Variants in MUC5AC observed in about 807,000 individuals in gnomAD.
MUC5AC encodes the protein mucin 5AC, oligomeric mucus/gel-forming.
MUC5AC carries 158 observed loss-of-function variants against 169.7 expected under a neutral mutation model. The ratio of observed to expected loss-of-function variants is 0.93; its 90% CI spans 0.82 to 1.06. The LOEUF is 1.06. Ranked by LOEUF, MUC5AC falls within the 50% of genes least tolerant of loss-of-function variation. MUC5AC has a pLI of 0.00. For synonymous variants in MUC5AC, 1,975 were observed against 1,237.0 expected (o/e 1.60, Z -12.52); for missense variants, 4,359 against 3,089.9 (o/e 1.41, Z -9.74).
chr11:1,200,003 T>C (rs759067549), intron 48 of MUC5AC, 34 bp downstream of exon 48: 2 of 724,692 alleles, frequency 2.8e-6, no homozygotes, highest in South Asian at 1.5e-5. Flanking sequence ...GGAGACGCGA[T>C]TGGCTGTGGG....
chr11:1,190,019 C>G lies in MUC5AC; in HGVS notation c.11874C>G (p.Thr3958=). Residue 3958 remains threonine, a synonymous_variant, in exon 31 of 49, where the codon ACC becomes ACG. Transcript: ENST00000621226. ...CCAGAGACTGTCATCCCCGGTGCAC[C>G]TGGACCAAGTGGTTTGACGTGGACT... ...PVTRDCHPRC[T]WTKWFDVDFP... 1 of 765,166 alleles carries G rather than the reference C, an allele frequency of 1.3e-6. No individual in the cohort carries two copies. 47.4% of individuals were successfully genotyped at this position (765,166 alleles called of 1,614,324 possible). A position where few individuals can be genotyped will look rare whatever the true frequency, so the allele number is the denominator to read the frequency against.
chr11:1,178,377 G>C, intron 24 of MUC5AC, 67 bp from the exon 25 acceptor site: 1 of 424,060 alleles, frequency 2.4e-6, no homozygotes, highest in Non-Finnish European at 4.1e-6. Context: ...AGGCGGCCTA[G>C]GGGCAGGGTG....
In MUC5AC at chr11:1,198,942, G is replaced by A. The variant is rs763606727; in HGVS notation, c.16242G>A (p.Ser5414=). The A allele has an allele frequency of 2.1e-5, 16 of 763,066 alleles. No individual in the cohort carries two copies. Among genetic ancestry groups the A allele is most frequent in the South Asian group, 5.4e-5 (4 of 74,186 alleles). The allele number at this position is 763,066 out of a possible 1,614,324, so 47.3% of individuals were successfully genotyped here. A position where few individuals can be genotyped will look rare whatever the true frequency, so the allele number is the denominator to read the frequency against. ...CRCELPGGPP[S]DAFVVSCETQ... ...GTGAGCTGCCGGGTGGCCCCCCATC[G>A]GACGCGTTTGTGGTCAGCTGTGAGA... The change falls in exon 44 of 49, where the codon TCG becomes TCA. Residue 5414 remains serine, a synonymous_variant. Transcript: ENST00000621226.
chr11:1,198,302 C>T lies in MUC5AC; in HGVS notation c.16170C>T (p.Tyr5390=). The T allele has an allele frequency of 1.3e-6, 1 of 752,636 alleles. No homozygotes were observed. Among genetic ancestry groups the T allele is most frequent in the Non-Finnish European group, 2.4e-6 (1 of 412,338 alleles). The allele number at this position is 752,636 out of a possible 1,614,324, so 46.6% of individuals were successfully genotyped here. ...TGTGCAGCATCAACGGGACCCTGTACCAGGTAAGAGCCACGGAGCTCAGAC... is the reference window on the plus strand; with the variant it reads ...TGTGCAGCATCAACGGGACCCTGTATCAGGTAAGAGCCACGGAGCTCAGAC... The part of the protein sequence containing the change: ...WTVCSINGTL[Y]QPGAVVSSSL... Residue 5390 remains tyrosine, a synonymous_variant, in exon 43 of 49, where the codon TAC becomes TAT. Transcript: ENST00000621226.
Position 1,167,980 on chromosome 11 carries a change from C to T in MUC5AC, c.1490C>T (p.Ala497Val), listed in dbSNP as rs28403537. 62,850 of 1,550,168 alleles carry T rather than the reference C, an allele frequency of 0.041. 1,506 individuals carry two copies. Among genetic ancestry groups the T allele is most frequent in the Middle Eastern group, 0.079 (472 of 5,990 alleles). Reference protein sequence around the residue: ...LKSVTLSLDGAQTVVVIKASG... With the variant: ...LKSVTLSLDGVQTVVVIKASG... ...AGCGTGACACTGAGCCTGGATGGGG[C>T]GCAGACGGTGAGTGGAGCCTGGCAG... is the stretch of plus-strand genomic sequence containing the variant. The change falls in exon 12 of 49, where the codon GCG becomes GTG. Residue 497 changes from alanine to valine, a missense_variant. Ala to Val is a moderately conservative substitution (Grantham distance 64). Coordinates refer to ENST00000621226, the MANE Select transcript of MUC5AC (RefSeq NM_001304359.2).
At position 1,194,285 on chromosome 11, in the gene MUC5AC, G is replaced by T. The variant is rs776868569; in HGVS notation, c.14931G>T (p.Arg4977Ser). 7.9e-6 allele frequency: 6 copies of T among 761,394 alleles called. No homozygotes were observed. Among genetic ancestry groups the T allele is most frequent in the South Asian group, 6.8e-5 (5 of 73,816 alleles). The allele number at this position is 761,394 out of a possible 1,614,324, so 47.2% of individuals were successfully genotyped here. A position where few individuals can be genotyped will look rare whatever the true frequency, so the allele number is the denominator to read the frequency against. ...CGGAGGACGGGCTCTCCTGCCCGAG[G>T]TCCATCATCCTGGAGTACCACCAGG... ...CGAEDGLSCP[R>S]SIILEYHQDR... The change falls in exon 34 of 49, where the codon AGG (arginine) becomes AGT (serine). Residue 4977 changes from arginine (R) to serine (S), a missense_variant. By Grantham distance (110) the Arg-to-Ser change is moderately radical. Transcript: ENST00000621226.
Position 1,182,495 on chromosome 11 carries a change from G to C in MUC5AC, c.4350G>C (p.Pro1450=), listed in dbSNP as rs1210565089. 1 of 398,668 alleles carries C rather than the reference G, an allele frequency of 2.5e-6. No individual in the cohort carries two copies. The highest frequency in any genetic ancestry group is 2.1e-5 in the African/African-American group (1 of 48,738). 24.7% of individuals were successfully genotyped at this position (398,668 alleles called of 1,614,324 possible). Residue 1450 remains proline, a synonymous_variant, in exon 31 of 49, where the codon CCG becomes CCC. Coordinates refer to ENST00000621226, the MANE Select transcript of MUC5AC (RefSeq NM_001304359.2). ...TGGGGCAGCGTGTGCAGTGCAGCCC[G>C]GATGTGGGGCTGACCTGTCGTAACA... is the stretch of plus-strand genomic sequence containing the variant. ...RALGQRVQCS[P]DVGLTCRNRE...
rs1467360190 is a variant in MUC5AC at position 1,191,053 on chromosome 11, C to G, written c.12908C>G (p.Thr4303Ser). Residue 4303 changes from threonine to serine, a missense_variant, in exon 31 of 49, where the codon ACC becomes AGC. By Grantham distance (58) the Thr-to-Ser change is moderately conservative (BLOSUM62 1). Coordinates refer to ENST00000621226, the MANE Select transcript of MUC5AC (RefSeq NM_001304359.2). ...PGTTPSPVPT[T>S]STTSAPTTST... Reference sequence around the variant, plus strand: ...ACTACTCCCAGCCCTGTTCCCACCACCAGCACAACCTCTGCTCCTACAACT... The same window carrying G: ...ACTACTCCCAGCCCTGTTCCCACCAGCAGCACAACCTCTGCTCCTACAACT... 9.3e-6 allele frequency: 7 copies of G among 751,892 alleles called. No individual in the cohort carries two copies. Among genetic ancestry groups the G allele is most frequent in the African/African-American group, 8.7e-5 (5 of 57,454 alleles). 46.6% of individuals were successfully genotyped at this position (751,892 alleles called of 1,614,324 possible).
At chr11:1,198,152 A>G in intron 42 of MUC5AC, 116 bp from the exon 43 acceptor site, 1 of 693,664 alleles carries the variant, frequency 1.4e-6, no homozygotes, top group Non-Finnish European at 2.6e-6. Flanking sequence ...GAGGCTGGAC[A>G]AACCCCAGTG....
Position 1,186,215 on chromosome 11 carries a change from C to G in MUC5AC, c.8070C>G (p.Thr2690=). Residue 2690 remains threonine (T), a synonymous_variant, in exon 31 of 49, where the codon ACC becomes ACG. Coordinates refer to ENST00000621226, the MANE Select transcript of MUC5AC (RefSeq NM_001304359.2). ...CCAGCACAACCTCTGCTTCTACAAC[C>G]AGCACAACCTCTGGTCCTGGAACTA... ...STTSTTSAST[T]STTSGPGTTP... is the part of the protein sequence containing the mutation. The G allele has an allele frequency of 1.3e-6, 1 of 750,370 alleles. No homozygotes were observed. Among genetic ancestry groups the G allele is most frequent in the Non-Finnish European group, 2.4e-6 (1 of 409,808 alleles). 46.5% of individuals were successfully genotyped at this position (750,370 alleles called of 1,614,324 possible).
In MUC5AC at chr11:1,190,494, T is replaced by G; in HGVS notation, c.12349T>G (p.Ser4117Ala). 1.5e-6 allele frequency: 1 copy of G among 678,226 alleles called. No homozygotes were observed. The highest frequency in any genetic ancestry group is 2.8e-5 in the East Asian group (1 of 35,738). The allele number at this position is 678,226 out of a possible 1,614,324, so 42.0% of individuals were successfully genotyped here. A position where few individuals can be genotyped will look rare whatever the true frequency, so the allele number is the denominator to read the frequency against. Reference sequence around the variant, plus strand: ...CCCTACAACCAGCACAATCCCTGCTTCTACACCCAGCACAACCTCTGCCCC... The same window carrying G: ...CCCTACAACCAGCACAATCCCTGCTGCTACACCCAGCACAACCTCTGCCCC... The part of the protein sequence containing the change: ...SAPTTSTIPA[S>A]TPSTTSAPTT... The change falls in exon 31 of 49, where the codon TCT (serine) becomes GCT (alanine). Residue 4117 changes from serine to alanine, a missense_variant. Transcript: ENST00000621226.
intron 24 of MUC5AC, 138 bp downstream of exon 24, chr11:1,177,771 G>GA (rs1415175597): frequency 5.1e-6 from 2 of 394,024 alleles, no homozygotes; most frequent in Non-Finnish European, 8.9e-6. Flanking sequence ...AAGTGGGGGG[G>GA]ACGGAGCCTT....
chr11:1,162,631 C>A lies in MUC5AC; in HGVS notation c.573C>A (p.His191Gln). 1 of 1,612,660 alleles carries A rather than the reference C, an allele frequency of 6.2e-7. No homozygotes were observed. The change falls in exon 5 of 49, where the codon CAC becomes CAA. Residue 191 changes from histidine (H) to glutamine (Q), a missense_variant. Transcript: ENST00000621226. ...TGGGCCTTGTCCTCATGTGGAACCACGATGACAGCCTGCTGGTGAGGCTGG... is the reference window on the plus strand; with the variant it reads ...TGGGCCTTGTCCTCATGTGGAACCAAGATGACAGCCTGCTGGTGAGGCTGG... ...ARLGLVLMWNHDDSLLLELDT... is the reference protein window; with the variant it reads ...ARLGLVLMWNQDDSLLLELDT...
Position 1,198,182 on chromosome 11 carries a change from GC to G in MUC5AC, c.16136-83del. On this transcript the variant is annotated intron_variant, in intron 42 of 48. Transcript: ENST00000621226. ...CCAGTGGCGAGCCCGGGAATGAGGCGCCCAGGAGGCTGCAGGGGCGGGAATG... is the reference window on the plus strand; with the variant it reads ...CCAGTGGCGAGCCCGGGAATGAGGCGCCAGGAGGCTGCAGGGGCGGGAATG... 9.9e-6 allele frequency: 7 copies of G among 706,302 alleles called. No homozygotes were observed. In the South Asian group the frequency reaches 1.0e-4, roughly 10 times the overall value. The allele number at this position is 706,302 out of a possible 1,614,324, so 43.8% of individuals were successfully genotyped here.
chr11:1,194,920 G>T, intron 35 of MUC5AC, 92 bp from the exon 36 acceptor site: 1 of 638,412 alleles, frequency 1.6e-6, no homozygotes, highest in South Asian at 1.7e-5. Flanking sequence ...ACCAAGTTGT[G>T]ACCCTGAGAC....
intron 6 of MUC5AC, 91 bp from the exon 7 acceptor site, chr11:1,163,791 A>G (rs1185801583): frequency 1.9e-6 from 2 of 1,036,708 alleles, no homozygotes; most frequent in Non-Finnish European, 2.9e-6. Context: ...ACCCCACCCC[A>G]GGGACCCGGC....
In MUC5AC at chr11:1,180,420, C is replaced by T. The variant is rs1860788784; in HGVS notation, c.3680C>T (p.Thr1227Ile). 2.5e-6 allele frequency: 1 copy of T among 398,690 alleles called. No homozygotes were observed. Among genetic ancestry groups the T allele is most frequent in the South Asian group, 1.3e-4 (1 of 7,868 alleles). The allele number at this position is 398,690 out of a possible 1,614,324, so 24.7% of individuals were successfully genotyped here. The part of the protein sequence containing the change: ...FDEDKMQCVA[T>I]CPTPPLPPRC... ...GAGGACAAGATGCAGTGTGTGGCCACCTGCCCAACCCCGCCTCTGCCACCA... is the reference window on the plus strand; with the variant it reads ...GAGGACAAGATGCAGTGTGTGGCCATCTGCCCAACCCCGCCTCTGCCACCA... The change falls in exon 28 of 49, where the codon ACC (threonine) becomes ATC (isoleucine). Residue 1227 changes from threonine (T) to isoleucine (I), a missense_variant. Transcript: ENST00000621226.
Position 1,178,551 on chromosome 11 carries a change from G to A in MUC5AC, c.3195G>A (p.Trp1065Ter). ...ACGTGCTGGAGTTTGGGAACAGCTGGAAGCTCTCCCCCTCCTGCCCAGATG... is the reference window on the plus strand; with the variant it reads ...ACGTGCTGGAGTTTGGGAACAGCTGAAAGCTCTCCCCCTCCTGCCCAGATG... ...VGDVLEFGNS[W>*]KLSPSCPDAL... Residue 1065 changes from tryptophan (W) to a stop codon, truncating the protein, a stop_gained, in exon 25 of 49, where the codon TGG (tryptophan) becomes TGA (stop). Transcript: ENST00000621226. LOFTEE classifies it high-confidence loss of function. 1.5e-6 allele frequency: 2 copies of A among 1,374,854 alleles called. No homozygotes were observed. Among genetic ancestry groups the A allele is most frequent in the Non-Finnish European group, 1.9e-6 (2 of 1,046,786 alleles). The allele number at this position is 1,374,854 out of a possible 1,614,324, so 85.2% of individuals were successfully genotyped here. A position where few individuals can be genotyped will look rare whatever the true frequency, so the allele number is the denominator to read the frequency against.
Position 1,185,500 on chromosome 11 carries a change from C to G in MUC5AC, c.7355C>G (p.Pro2452Arg). The change falls in exon 31 of 49, where the codon CCA (proline) becomes CGA (arginine). Residue 2452 changes from proline (P) to arginine (R), a missense_variant. Physicochemically the swap from Pro to Arg is moderately radical, Grantham distance 103. Coordinates refer to ENST00000621226, the MANE Select transcript of MUC5AC (RefSeq NM_001304359.2). ...ACAACTTCTGGTCCTGGAACTACCC[C>G]AAGCCCTGTTCCCACGACCAGCACA... The part of the protein sequence containing the change: ...TSTTSGPGTT[P>R]SPVPTTSTTS... 2.7e-6 allele frequency: 2 copies of G among 727,742 alleles called. No individual in the cohort carries two copies. Among genetic ancestry groups the G allele is most frequent in the Non-Finnish European group, 5.0e-6 (2 of 399,022 alleles). The allele number at this position is 727,742 out of a possible 1,614,324, so 45.1% of individuals were successfully genotyped here.
Sources: gnomAD v4.1 joint callset for allele counts on GRCh38, gnomAD v4.1.1 for gene constraint, MANE v1.5 for transcripts, NCBI Gene and HGNC (gene_info 2026-07-23, HGNC 2026-07-21) for gene names.